Variants in TLN2 observed in about 807,000 individuals in gnomAD.
The protein encoded by TLN2 is talin-2.
A neutral mutation model predicts 294.7 loss-of-function variants in TLN2; 118 were observed. That is an observed-to-expected ratio of 0.40 (90% CI 0.34 to 0.47). The LOEUF is 0.47. Among genes scored for constraint, TLN2 ranks in the 20% least tolerant of loss-of-function variants. TLN2 has a pLI of 0.84. For missense variants in TLN2, 3,083 were observed against 3,282.2 expected, an observed-to-expected ratio of 0.94 and a Z score of 1.48; for synonymous variants, 1,431 against 1,304.5, an observed-to-expected ratio of 1.10 and a Z score of -2.09.
At chr15:62,601,519 C>T (rs1172501102) in intron 2 of TLN2, among the ~76,000 whole-genome samples, 4 of 152,166 alleles carry the variant, frequency 2.6e-5, no homozygotes, top group Non-Finnish European at 4.4e-5. Context: ...CAAGAATACA[C>T]GTAGGCAGGC....
chr15:62,529,844 G>GTT (rs1232729980), intron 1 of TLN2, among the ~76,000 whole-genome samples: 5 of 152,214 alleles, frequency 3.3e-5, no homozygotes, highest in Non-Finnish European at 7.3e-5. Flanking sequence ...TGGATGCACT[G>GTT]TAACTTATTC....
At chr15:62,583,418 C>T (rs1199024943) in intron 1 of TLN2, among the ~76,000 whole-genome samples, 1 of 152,058 alleles carries the variant, frequency 6.6e-6, no homozygotes, top group Non-Finnish European at 1.5e-5. Context: ...TACTGAATAT[C>T]ATAGTTGGTC....
intron 1 of TLN2, among the ~76,000 whole-genome samples, chr15:62,543,037 T>C (rs1039772501): frequency 6.6e-6 from 1 of 152,076 alleles, no homozygotes; most frequent in Non-Finnish European, 1.5e-5. Context: ...AGAAATATAA[T>C]CAAGGAGAGA....
intron 26 of TLN2, 49 bp from the exon 27 acceptor site, chr15:62,724,927 C>G (rs762402396): frequency 1.3e-6 from 2 of 1,566,064 alleles, no homozygotes; most frequent in South Asian, 2.4e-5. Flanking sequence ...GTGTTGGGGA[C>G]ACTTTTCCCA....
chr15:62,467,493 G>A (rs565417249), intron 1 of TLN2, among the ~76,000 whole-genome samples: 1 of 152,148 alleles, frequency 6.6e-6, no homozygotes, highest in Admixed American at 6.5e-5. Flanking sequence ...AGGAGTTCGA[G>A]ACCAGCCCGG....
intron 1 of TLN2, among the ~76,000 whole-genome samples, chr15:62,485,432 C>A (rs975505423): frequency 3.3e-5 from 5 of 152,154 alleles, no homozygotes; most frequent in Non-Finnish European, 7.3e-5. Flanking sequence ...GTGTGGTCTC[C>A]GTCTCAGGCT....
At chr15:62,685,804 C>G (rs183938017) in intron 11 of TLN2, among the ~76,000 whole-genome samples, 1 of 152,096 alleles carries the variant, frequency 6.6e-6, no homozygotes, top group Non-Finnish European at 1.5e-5. Context: ...TATTTATTGC[C>G]CAGTCTTTTT....
chr15:62,654,489 C>T (rs1028793666), intron 7 of TLN2, among the ~76,000 whole-genome samples: 48 of 151,998 alleles, frequency 3.2e-4, no homozygotes, highest in African/African-American at 1.0e-3. Context: ...CGTGGTGGCT[C>T]GTGCCTGTAA....
rs746530253 is a variant in TLN2, at chr15:62,776,958, T to TG, written c.5514+51dup. ...TCTACTCCCTTATCTCCCTCACCCA[T>TG]GGGCCTCGCGTGCTTTTCTCTAAGC... On this transcript the variant is annotated intron_variant, in intron 43 of 58. Coordinates refer to ENST00000636159, the MANE Select transcript of TLN2 (RefSeq NM_015059.3). 7.5e-5 allele frequency: 105 copies of TG among 1,391,594 alleles called. 1 individual carries two copies. The East Asian group carries it at 2.8e-3, about 37-fold the overall frequency. The allele number at this position is 1,391,594 out of a possible 1,614,324, so 86.2% of individuals were successfully genotyped here. A position where few individuals can be genotyped will look rare whatever the true frequency, so the allele number is the denominator to read the frequency against.
intron 1 of TLN2, among the ~76,000 whole-genome samples, chr15:62,462,382 G>T (rs2036857133): frequency 6.6e-6 from 1 of 152,222 alleles, no homozygotes; most frequent in Non-Finnish European, 1.5e-5. Flanking sequence ...TCCACAGTTG[G>T]CCCCCTGCCT....
chr15:62,778,274 G>A (rs2063860338), intron 43 of TLN2, among the ~76,000 whole-genome samples: 1 of 152,154 alleles, frequency 6.6e-6, no homozygotes, highest in African/African-American at 2.4e-5. Context: ...GGCTTCTCAT[G>A]CTGCAAATGT....
At chr15:62,814,189 T>C (rs2066902211) in intron 52 of TLN2, among the ~76,000 whole-genome samples, 1 of 151,914 alleles carries the variant, frequency 6.6e-6, no homozygotes, top group African/African-American at 2.4e-5. Flanking sequence ...CATGAACCAG[T>C]AGAAGGCAGG....
At chr15:62,428,749 TATACTG>T (rs1488060895) in intron 1 of TLN2, among the ~76,000 whole-genome samples, 3 of 152,238 alleles carry the variant, frequency 2.0e-5, no homozygotes, top group African/African-American at 7.2e-5. Context: ...CTGGGAAAAG[TATACTG>T]ATGCATGTGC....
intron 1 of TLN2, among the ~76,000 whole-genome samples, chr15:62,474,931 A>AG (rs2037701970): frequency 6.6e-6 from 1 of 152,128 alleles, no homozygotes; most frequent in South Asian, 2.1e-4. Context: ...AAAAAAAAAA[A>AG]GTGGGACTGG....
At chr15:62,605,868 G>A (rs1360239049) in intron 2 of TLN2, among the ~76,000 whole-genome samples, 1 of 152,170 alleles carries the variant, frequency 6.6e-6, no homozygotes, top group Non-Finnish European at 1.5e-5. Context: ...TTCACGAAAT[G>A]TCTCTTCAGA....
At chr15:62,824,744 T>C (rs1182982957) in intron 54 of TLN2, among the ~76,000 whole-genome samples, 2 of 152,198 alleles carry the variant, frequency 1.3e-5, no homozygotes, top group African/African-American at 2.4e-5. Context: ...GATTATGATA[T>C]AGAAAACATT....
chr15:62,558,312 G>A (rs529747322), intron 1 of TLN2, among the ~76,000 whole-genome samples: 1 of 152,280 alleles, frequency 6.6e-6, no homozygotes, highest in Non-Finnish European at 1.5e-5. Context: ...ATGTGTTTGG[G>A]TCAGTTGTGT....
At chr15:62,391,738 C>T (rs1193949447) in intron 1 of TLN2, among the ~76,000 whole-genome samples, 2 of 152,236 alleles carry the variant, frequency 1.3e-5, no homozygotes, top group Non-Finnish European at 2.9e-5. Context: ...CGCCAGCCGG[C>T]GGGGCTTGGG....
chr15:62,601,546 G>T (rs186800995), intron 2 of TLN2, among the ~76,000 whole-genome samples: 8 of 152,296 alleles, frequency 5.3e-5, no homozygotes, highest in Admixed American at 2.6e-4. Context: ...TTTTCATTGA[G>T]AAACACATAG....
Sources: allele counts gnomAD v4.1 joint callset (sites outside exome capture counted in the v4.1 genomes callset), GRCh38; gene constraint gnomAD v4.1.1; transcripts MANE v1.5; gene names NCBI Gene and HGNC (gene_info 2026-07-23, HGNC 2026-07-21).